CPQ: variants seen among roughly 807,000 people sequenced by gnomAD.
CPQ encodes Ser-Met dipeptidase.
CPQ carries 37 observed loss-of-function variants against 45.7 expected under a neutral mutation model. The ratio of observed to expected loss-of-function variants is 0.81; its 90% CI spans 0.62 to 1.07. CPQ has a LOEUF of 1.07. CPQ is among the 50% of genes least tolerant of loss of function. CPQ has a pLI of 0.00. For synonymous variants in CPQ, 186 were observed against 205.8 expected, an observed-to-expected ratio of 0.90 and a Z score of 0.82; for missense variants, 537 against 572.9, an observed-to-expected ratio of 0.94 and a Z score of 0.64.
At chr8:96,704,783 T>C (rs1343935682) in intron 1 of CPQ, among the ~76,000 whole-genome samples, 1 of 152,150 alleles carries the variant, frequency 6.6e-6, no homozygotes, top group East Asian at 1.9e-4. Flanking sequence ...GAGAGACTAC[T>C]GAGTGGATAG....
chr8:96,660,791 T>C lies in CPQ; in HGVS notation c.-35+15389T>C, dbSNP rs373364764. The stretch of plus-strand genomic sequence containing the variant: ...CTGAAAATTCTCTTCCTACCATACC[T>C]ATGAAATTTAATATCTATGAAAATT... On this transcript the variant is annotated intron_variant, in intron 1 of 7. Coordinates refer to ENST00000220763, the MANE Select transcript of CPQ (RefSeq NM_016134.4). Among the ~76,000 whole-genome samples, 8 of 152,302 alleles carry C rather than the reference T, an allele frequency of 5.3e-5. 1 individual carries two copies. The highest frequency in any genetic ancestry group is 3.9e-4 in the Admixed American group (6 of 15,298).
intron 7 of CPQ, among the ~76,000 whole-genome samples, chr8:97,079,884 A>G (rs1437511632): frequency 6.6e-6 from 1 of 152,198 alleles, no homozygotes; most frequent in South Asian, 2.1e-4. Context: ...TAGTTAATAT[A>G]GGGAAATAGA....
chr8:96,874,988 A>G (rs950909450), intron 3 of CPQ, among the ~76,000 whole-genome samples: 6 of 151,806 alleles, frequency 4.0e-5, no homozygotes, highest in East Asian at 1.9e-4. Context: ...ATCCTCCCCA[A>G]TGCTTGTTTT....
At chr8:96,921,544 T>C (rs1304598534) in intron 4 of CPQ, among the ~76,000 whole-genome samples, 1 of 152,192 alleles carries the variant, frequency 6.6e-6, no homozygotes, top group Non-Finnish European at 1.5e-5. Context: ...ACTGAGCACC[T>C]GTTTTGAGCC....
chr8:96,857,893 C>A (rs540903263), intron 3 of CPQ, among the ~76,000 whole-genome samples: 1 of 152,318 alleles, frequency 6.6e-6, no homozygotes, highest in South Asian at 2.1e-4. Context: ...GTATTCAATT[C>A]ATAATTCAAA....
At chr8:96,666,860 G>A (rs1254031655) in intron 1 of CPQ, among the ~76,000 whole-genome samples, 1 of 152,052 alleles carries the variant, frequency 6.6e-6, no homozygotes, top group African/African-American at 2.4e-5. Flanking sequence ...GCATCATTTA[G>A]GTTTTCTGAT....
chr8:96,814,284 T>G (rs1361807813), intron 2 of CPQ, among the ~76,000 whole-genome samples: 1 of 152,160 alleles, frequency 6.6e-6, no homozygotes, highest in African/African-American at 2.4e-5. Flanking sequence ...ATCACTTAGA[T>G]TGGAGATTAC....
intron 1 of CPQ, among the ~76,000 whole-genome samples, chr8:96,783,208 A>G (rs181147488): frequency 9.6e-4 from 146 of 151,898 alleles, no homozygotes; most frequent in African/African-American, 3.3e-3. Flanking sequence ...TTTTTCGGGT[A>G]TTTGTTATAA....
intron 7 of CPQ, among the ~76,000 whole-genome samples, chr8:97,122,931 T>A (rs11779626): frequency 0.054 from 1,552 of 28,520 alleles, 22 homozygotes; most frequent in African/African-American, 0.1. Flanking sequence ...ATAAAATAAA[T>A]AAAATAAAAT....
Position 96,753,328 on chromosome 8 carries a change from A to C in CPQ, c.-34-31536A>C, listed in dbSNP as rs114240879. Among the ~76,000 whole-genome samples, 434 of 152,242 alleles carry C rather than the reference A, an allele frequency of 2.9e-3. 3 individuals carry two copies. The highest frequency in any genetic ancestry group is 0.01 in the African/African-American group (416 of 41,572). On this transcript the variant is annotated intron_variant, in intron 1 of 7. Coordinates refer to ENST00000220763, the MANE Select transcript of CPQ (RefSeq NM_016134.4). Reference sequence around the variant, plus strand: ...TGTTATAAAAGGCAGTTTAATATTGAGTTTGGGTACATTTCCACTGATTTT... The same window carrying C: ...TGTTATAAAAGGCAGTTTAATATTGCGTTTGGGTACATTTCCACTGATTTT...
intron 1 of CPQ, among the ~76,000 whole-genome samples, chr8:96,688,327 G>A (rs1424194565): frequency 6.6e-6 from 1 of 151,734 alleles, no homozygotes; most frequent in Non-Finnish European, 1.5e-5. Flanking sequence ...ACCCTTCTTG[G>A]TTACTTATTG....
intron 4 of CPQ, among the ~76,000 whole-genome samples, chr8:96,900,590 G>C (rs1812501253): frequency 6.6e-6 from 1 of 152,148 alleles, no homozygotes; most frequent in Non-Finnish European, 1.5e-5. Context: ...TCCTCATGTA[G>C]CCATAACAAA....
intron 6 of CPQ, among the ~76,000 whole-genome samples, chr8:97,045,577 C>T (rs62508625): frequency 0.12 from 18,076 of 152,250 alleles, 1,275 homozygotes; most frequent in Admixed American, 0.18. Flanking sequence ...CTGTCTTCTG[C>T]GTCGCTCATG....
At chr8:96,992,793 A>G (rs1809117607) in intron 5 of CPQ, among the ~76,000 whole-genome samples, 1 of 152,198 alleles carries the variant, frequency 6.6e-6, no homozygotes, top group African/African-American at 2.4e-5. Flanking sequence ...AAGTGGTGGA[A>G]TTAGACTTCA....
chr8:96,959,307 G>T (rs1813411126), intron 4 of CPQ, among the ~76,000 whole-genome samples: 1 of 152,148 alleles, frequency 6.6e-6, no homozygotes, highest in African/African-American at 2.4e-5. Context: ...CCTTTAAAAT[G>T]ATTAGAATAG....
At chr8:96,931,564 A>G (rs1812976053) in intron 4 of CPQ, among the ~76,000 whole-genome samples, 1 of 152,110 alleles carries the variant, frequency 6.6e-6, no homozygotes, top group African/African-American at 2.4e-5. Flanking sequence ...AGAGGAGTAG[A>G]CAGAGCAGGA....
chr8:96,788,454 C>T (rs1442418044), intron 2 of CPQ, among the ~76,000 whole-genome samples: 9 of 152,110 alleles, frequency 5.9e-5, no homozygotes, highest in African/African-American at 1.9e-4. Context: ...GCCACCATGC[C>T]CGGCCTGGAC....
At chr8:96,917,961 T>TAGTG (rs1021035213) in intron 4 of CPQ, among the ~76,000 whole-genome samples, 15 of 152,260 alleles carry the variant, frequency 9.9e-5, no homozygotes, top group African/African-American at 3.4e-4. Flanking sequence ...ACAGTGCTTA[T>TAGTG]AGTGCAGTTA....
intron 2 of CPQ, among the ~76,000 whole-genome samples, chr8:96,819,910 T>C (rs1304216033): frequency 1.3e-5 from 2 of 152,088 alleles, no homozygotes; most frequent in African/African-American, 4.8e-5. Flanking sequence ...AAATTTTCAT[T>C]GAAACCTCTG....
Sources: gnomAD v4.1 joint callset for allele counts (sites outside exome capture counted in the v4.1 genomes callset) on GRCh38, gnomAD v4.1.1 for gene constraint, MANE v1.5 for transcripts, NCBI Gene and HGNC (gene_info 2026-07-23, HGNC 2026-07-21) for gene names.